The following ADAMTS20 variants were observed in gnomAD, a reference collection of about 807,000 sequenced individuals.
ADAMTS20 encodes the protein A disintegrin and metalloproteinase with thrombospondin motifs 20.
A neutral mutation model predicts 260.1 loss-of-function variants in ADAMTS20; 225 were observed. The ratio of observed to expected loss-of-function variants is 0.87; its 90% confidence interval spans 0.78 to 0.97. The LOEUF (loss-of-function observed/expected upper bound fraction) is 0.97. Ranked by LOEUF, ADAMTS20 falls within the 50% of genes least tolerant of loss-of-function variation. The probability of loss-of-function intolerance (pLI) is 0.00; values close to 1 mark genes in which losing one functional copy is unlikely to be tolerated. For synonymous variants in ADAMTS20, 802 were observed against 769.5 expected (o/e 1.04, Z -0.70); for missense variants, 2,400 against 2,337.7 (o/e 1.03, Z -0.55).
chr12:43,370,123 G>A (rs1034765287), intron 36 of ADAMTS20, among the ~76,000 whole-genome samples: 1 of 152,136 alleles, frequency 6.6e-6, no homozygotes, highest in Non-Finnish European at 1.5e-5. Context: ...TTTCAAGACT[G>A]CAAAATCACT....
chr12:43,478,693 G>T (rs1942396574), intron 7 of ADAMTS20, among the ~76,000 whole-genome samples: 2 of 152,086 alleles, frequency 1.3e-5, no homozygotes, highest in Non-Finnish European at 2.9e-5. Context: ...GCAAAAGGCA[G>T]GCACAACACA....
chr12:43,369,204 G>T, intron 37 of ADAMTS20, 86 bp downstream of exon 37: 1 of 746,248 alleles, frequency 1.3e-6, no homozygotes, highest in Non-Finnish European at 2.0e-6. Context: ...TATGTTTCTT[G>T]CAATATTCTG....
In ADAMTS20 at chr12:43,354,020, A is replaced by C. The variant is rs1939689877; in HGVS notation, c.*189T>G. The C allele has an allele frequency of 1.5e-5, 6 of 412,212 alleles. No homozygotes were observed. In the East Asian group the frequency reaches 2.2e-4, roughly 15 times the overall value. The allele number at this position is 412,212 out of a possible 1,614,324, so 25.5% of individuals were successfully genotyped here. On this transcript the variant is annotated 3_prime_UTR_variant, in exon 39 of 39. Transcript: ENST00000389420. ...GATTAGATATAAAATAAATTAAGAT[A>C]GCTCTTAAATTTCTTTTATAGACCT...
intron 9 of ADAMTS20, among the ~76,000 whole-genome samples, chr12:43,465,150 A>T (rs764028631): frequency 6.6e-6 from 1 of 152,130 alleles, no homozygotes; most frequent in South Asian, 2.1e-4. Context: ...TTGAGAAAGT[A>T]TATTTCTAGT....
In ADAMTS20 at chr12:43,466,106, A is replaced by C. The variant is rs111789018; in HGVS notation, c.1367+546T>G. On this transcript the variant is annotated intron_variant, in intron 9 of 38. Coordinates refer to ENST00000389420, the MANE Select transcript of ADAMTS20 (RefSeq NM_025003.5). ...AAACCTGAAGGAAGGTGGAGAAATGAGGCAAGAAAAACCTGGATCTACTAC... is the reference window on the plus strand; with the variant it reads ...AAACCTGAAGGAAGGTGGAGAAATGCGGCAAGAAAAACCTGGATCTACTAC... 4.7e-4 allele frequency among the ~76,000 whole-genome samples: 72 copies of C among 152,044 alleles called. 1 individual carries two copies. Among genetic ancestry groups the C allele is most frequent in the African/African-American group, 1.5e-3 (63 of 41,436 alleles).
Position 43,444,208 on chromosome 12 carries a change from C to T in ADAMTS20, c.2198-325G>A, listed in dbSNP as rs187051099. Among the ~76,000 whole-genome samples, 234 of 152,056 alleles carry T rather than the reference C, an allele frequency of 1.5e-3. 2 individuals are homozygous for T. The Middle Eastern group carries it at 0.027, about 18-fold the overall frequency. Reference sequence around the variant, plus strand: ...CTTAGTACACATACCCATTTTTAAGCTTTGTTAATGCTTTTATATTTTATA... The same window carrying T: ...CTTAGTACACATACCCATTTTTAAGTTTTGTTAATGCTTTTATATTTTATA... On this transcript the variant is annotated intron_variant, in intron 15 of 38. Coordinates refer to ENST00000389420, the MANE Select transcript of ADAMTS20 (RefSeq NM_025003.5).
intron 4 of ADAMTS20, among the ~76,000 whole-genome samples, chr12:43,501,481 G>GCACACACACACACACT (rs1942764704): frequency 8.5e-6 from 1 of 117,810 alleles, no homozygotes; most frequent in Admixed American, 8.3e-5. Context: ...GCGCGCGCGC[G>GCACACACACACACACT]CACACACACA....
At chr12:43,496,274 T>A (rs562891748) in intron 4 of ADAMTS20, among the ~76,000 whole-genome samples, 41 of 152,330 alleles carry the variant, frequency 2.7e-4, no homozygotes, top group Admixed American at 1.3e-3. Flanking sequence ...ACTATTATAG[T>A]GTCCATTTTA....
intron 31 of ADAMTS20, among the ~76,000 whole-genome samples, chr12:43,379,086 C>T (rs1940292696): frequency 6.6e-6 from 1 of 152,114 alleles, no homozygotes; most frequent in Non-Finnish European, 1.5e-5. Flanking sequence ...GCAGAACAGG[C>T]TTGGATATCA....
In ADAMTS20 at chr12:43,374,399, C is replaced by A. The variant is rs570582861; in HGVS notation, c.5446+980G>T. ...ATGGAGTCTCTGCTAGTGAAATGCACTTTTTTGCCTCTTCATGTAGATATG... is the reference window on the plus strand; with the variant it reads ...ATGGAGTCTCTGCTAGTGAAATGCAATTTTTTGCCTCTTCATGTAGATATG... On this transcript the variant is annotated intron_variant, in intron 36 of 38. Transcript: ENST00000389420. 1.2e-4 allele frequency among the ~76,000 whole-genome samples: 18 copies of A among 152,210 alleles called. No individual in the cohort carries two copies. In the South Asian group the frequency reaches 1.7e-3, roughly 14 times the overall value.
At chr12:43,356,379 T>C in intron 38 of ADAMTS20, 105 bp downstream of exon 38, 1 of 661,748 alleles carries the variant, frequency 1.5e-6, no homozygotes, top group South Asian at 2.1e-5. Context: ...AATATCTCTT[T>C]AGTCATCAAT....
chr12:43,462,900 C>G lies in ADAMTS20; in HGVS notation c.1609G>C (p.Gly537Arg). ...CACCCTTCAAGAAAACCTACCATTC[C>G]AGGACCGCAGTCTGTTCCATCTGCT... ...PPADGTDCGPGMHCRHGLCVN... is the reference protein window; with the variant it reads ...PPADGTDCGPRMHCRHGLCVN... Residue 537 changes from glycine (G) to arginine (R), a missense_variant, in exon 11 of 39, where the codon GGA (glycine) becomes CGA (arginine). By Grantham distance (125) the Gly-to-Arg change is moderately radical. Transcript: ENST00000389420. 1 of 1,602,210 alleles carries G rather than the reference C, an allele frequency of 6.2e-7. No individual in the cohort carries two copies. The highest frequency in any genetic ancestry group is 8.5e-7 in the Non-Finnish European group (1 of 1,173,586).
intron 28 of ADAMTS20, among the ~76,000 whole-genome samples, chr12:43,412,179 T>C (rs1187954718): frequency 1.3e-5 from 2 of 152,220 alleles, no homozygotes; most frequent in East Asian, 3.8e-4. Flanking sequence ...TACATATGCT[T>C]TCTGTATTTC....
chr12:43,497,535 T>A (rs1003040088), intron 4 of ADAMTS20, among the ~76,000 whole-genome samples: 1 of 152,128 alleles, frequency 6.6e-6, no homozygotes, highest in Admixed American at 6.6e-5. Flanking sequence ...AAATTCTACA[T>A]ACATACAAAG....
At chr12:43,511,078 G>A (rs763416042) in intron 3 of ADAMTS20, among the ~76,000 whole-genome samples, 2 of 151,962 alleles carry the variant, frequency 1.3e-5, no homozygotes, top group Non-Finnish European at 2.9e-5. Context: ...TAGTCACCAA[G>A]TTTGGCCATT....
chr12:43,392,201 T>C (rs1250025675), intron 29 of ADAMTS20, among the ~76,000 whole-genome samples: 1 of 152,128 alleles, frequency 6.6e-6, no homozygotes, highest in Non-Finnish European at 1.5e-5. Context: ...AATGAATCTC[T>C]TATGAAAATG....
intron 11 of ADAMTS20, 75 bp from the exon 12 acceptor site, chr12:43,454,127 A>G: frequency 6.7e-7 from 1 of 1,490,678 alleles, no homozygotes; most frequent in South Asian, 1.3e-5. Flanking sequence ...TAATAGCAGC[A>G]TAAAGATCAA....
At position 43,439,086 on chromosome 12, in the gene ADAMTS20, C is replaced by T. The variant is rs949507089; in HGVS notation, c.2593+536G>A. Among the ~76,000 whole-genome samples the T allele has an allele frequency of 2.6e-5, 4 of 152,158 alleles. No homozygotes were observed. The East Asian group carries it at 7.7e-4, about 29-fold the overall frequency. ...CAGACTGCAGACTCTAGTCTTTCCA[C>T]TTTTTTCCCTACTATAAATTGTCCT... On this transcript the variant is annotated intron_variant, in intron 18 of 38. Coordinates refer to ENST00000389420, the MANE Select transcript of ADAMTS20 (RefSeq NM_025003.5).
intron 15 of ADAMTS20, among the ~76,000 whole-genome samples, chr12:43,444,645 CA>C (rs1346286148): frequency 1.3e-5 from 2 of 152,116 alleles, no homozygotes; most frequent in Admixed American, 1.3e-4. Context: ...ACTCACATTA[CA>C]TAGTTGTCCA....
Sources: allele counts gnomAD v4.1 joint callset (sites outside exome capture counted in the v4.1 genomes callset), GRCh38; gene constraint gnomAD v4.1.1; transcripts MANE v1.5; gene names NCBI Gene and HGNC (gene_info 2026-07-23, HGNC 2026-07-21).